DHCR24: variants seen among roughly 807,000 people sequenced by gnomAD.
The protein encoded by DHCR24 is 24-dehydrocholesterol reductase, also known as delta(24)-sterol reductase.
A neutral mutation model predicts 61.2 loss-of-function variants in DHCR24; 28 were observed. The ratio of observed to expected loss-of-function variants is 0.46; its 90% CI spans 0.34 to 0.63. DHCR24 has a LOEUF of 0.63. DHCR24 is among the 20% of genes least tolerant of loss of function. The pLI is 0.01. For synonymous variants in DHCR24, 261 were observed against 275.9 expected (o/e 0.95, Z 0.54); for missense variants, 538 against 679.1 (o/e 0.79, Z 2.31).
At chr1:54,873,274 C>A (rs1348330590) in intron 4 of DHCR24, among the ~76,000 whole-genome samples, 1 of 152,140 alleles carries the variant, frequency 6.6e-6, no homozygotes, top group Non-Finnish European at 1.5e-5. Flanking sequence ...ATGTCATACT[C>A]ATGTGTTTAT....
intron 5 of DHCR24, among the ~76,000 whole-genome samples, chr1:54,870,289 T>C (rs1382852134): frequency 1.3e-5 from 2 of 152,154 alleles, no homozygotes; most frequent in Non-Finnish European, 1.5e-5. Context: ...AAAACTGTTA[T>C]ACGTAAGTGG....
chr1:54,883,032 A>T lies in DHCR24; in HGVS notation c.387+586T>A, dbSNP rs979750328. The stretch of plus-strand genomic sequence containing the variant: ...GTAACTTGGCCAAGGTCTCACAATA[A>T]TAACAAAATGCCATCAAGTAGACAT... On this transcript the variant is annotated intron_variant, in intron 2 of 8. Coordinates refer to ENST00000371269, the MANE Select transcript of DHCR24 (RefSeq NM_014762.4). This position sits in a 1 kb window ranked among gnomAD's most constrained non-coding sequence, Gnocchi z 4.3. Among the ~76,000 whole-genome samples the T allele has an allele frequency of 3.9e-5, 6 of 152,280 alleles. No homozygotes were observed. In the East Asian group the frequency reaches 1.2e-3, roughly 29 times the overall value.
rs758291625 is a variant in DHCR24 at position 54,887,095 on chromosome 1, C to T, written c.25G>A (p.Val9Met). ...CACAGCAGGAAGAGCAGCGCGCACA[C>T]GGCCAGCGACACGGCGGGCTCCATG... is the stretch of plus-strand genomic sequence containing the variant. MEPAVSLA[V>M]CALLFLLWVR... Residue 9 changes from valine (V) to methionine (M), a missense_variant, in exon 1 of 9, where the codon GTG becomes ATG. Coordinates refer to ENST00000371269, the MANE Select transcript of DHCR24 (RefSeq NM_014762.4). 17 of 1,598,082 alleles carry T rather than the reference C, an allele frequency of 1.1e-5. No individual in the cohort carries two copies. The South Asian group carries it at 1.8e-4, about 17-fold the overall frequency.
intron 6 of DHCR24, among the ~76,000 whole-genome samples, chr1:54,857,055 T>G (rs970032547): frequency 4.6e-5 from 7 of 152,276 alleles, no homozygotes; most frequent in African/African-American, 1.7e-4. Context: ...AATAGTCAAC[T>G]GGTATCCAAA....
At chr1:54,869,756 TA>T (rs1646987629) in intron 5 of DHCR24, among the ~76,000 whole-genome samples, 1 of 151,722 alleles carries the variant, frequency 6.6e-6, no homozygotes, top group Non-Finnish European at 1.5e-5. Flanking sequence ...TTTTAAAAAT[TA>T]AAAAATTAAC....
rs2101555079 is a variant in DHCR24 at position 54,853,613 on chromosome 1, C to G, written c.1219-1G>C. 1 of 1,613,202 alleles carries G rather than the reference C, an allele frequency of 6.2e-7. No individual in the cohort carries two copies. Among genetic ancestry groups the G allele is most frequent in the Non-Finnish European group, 8.5e-7 (1 of 1,179,696 alleles). ...ACGGACACAGCCAGATGGGGTAGAC[C>G]TGGGTAGACCAGGGAGGTGGGTATT... On this transcript the variant is annotated splice_acceptor_variant, in intron 7 of 8. Coordinates refer to ENST00000371269, the MANE Select transcript of DHCR24 (RefSeq NM_014762.4). LOFTEE classifies it high-confidence loss of function.
chr1:54,865,575 C>T, intron 5 of DHCR24, 129 bp from the exon 6 acceptor site: 4 of 1,237,516 alleles, frequency 3.2e-6, no homozygotes, highest in Non-Finnish European at 3.5e-6. Context: ...CTATTACTGC[C>T]TTTGAGACTC....
rs376322059 is a variant in DHCR24, at chr1:54,879,503, A to C, written c.388-3456T>G. 3.3e-4 allele frequency among the ~76,000 whole-genome samples: 50 copies of C among 152,200 alleles called. 1 individual carries two copies. In the South Asian group the frequency reaches 9.9e-3, roughly 30 times the overall value. On this transcript the variant is annotated intron_variant, in intron 2 of 8. Transcript: ENST00000371269. ...ACCAACCAAAATGAAAGAGAGGAAA[A>C]AAATTTCTTTTAAATGAACAGTGCC... is the stretch of plus-strand genomic sequence containing the variant.
intron 6 of DHCR24, 133 bp downstream of exon 6, chr1:54,865,167 TAAG>T: frequency 9.3e-7 from 1 of 1,071,478 alleles, no homozygotes; most frequent in South Asian, 1.4e-5. Flanking sequence ...TGTTGCTGCT[TAAG>T]AAGGCATTGC....
chr1:54,862,569 A>C (rs1475493187), intron 6 of DHCR24, among the ~76,000 whole-genome samples: 1 of 152,014 alleles, frequency 6.6e-6, no homozygotes, highest in Non-Finnish European at 1.5e-5. Context: ...CTAACCTGCA[A>C]GGTGTCCCAG....
chr1:54,849,818 C>T lies in DHCR24; in HGVS notation c.*2415G>A, dbSNP rs1646864693. On this transcript the variant is annotated 3_prime_UTR_variant, in exon 9 of 9. Transcript: ENST00000371269. ...CACCATACACTGCCACACCCATCTC[C>T]ACCCCTCCCTTTCAGTAATATCCAA... is the stretch of plus-strand genomic sequence containing the variant. 6.5e-6 allele frequency: 1 copy of T among 152,694 alleles called. No individual in the cohort carries two copies. The highest frequency in any genetic ancestry group is 1.5e-5 in the Non-Finnish European group (1 of 68,064). The allele number at this position is 152,694 out of a possible 1,614,324, so 9.5% of individuals were successfully genotyped here. A position where few individuals can be genotyped will look rare whatever the true frequency, so the allele number is the denominator to read the frequency against.
chr1:54,874,510 T>G lies in DHCR24; in HGVS notation c.612+583A>C, dbSNP rs113493911. Among the ~76,000 whole-genome samples, 1,257 of 152,344 alleles carry G rather than the reference T, an allele frequency of 8.3e-3. 52 individuals are homozygous for G. The East Asian group carries it at 0.12, about 15-fold the overall frequency. On this transcript the variant is annotated intron_variant, in intron 4 of 8. Transcript: ENST00000371269. Reference sequence around the variant, plus strand: ...GTAGGCTATCCAAATAGCCTACGTGTGAAGTAGGCTATCTCATCTAGGTTT... The same window carrying G: ...GTAGGCTATCCAAATAGCCTACGTGGGAAGTAGGCTATCTCATCTAGGTTT...
chr1:54,867,889 C>T (rs1646975900), intron 5 of DHCR24, among the ~76,000 whole-genome samples: 1 of 152,170 alleles, frequency 6.6e-6, no homozygotes, highest in African/African-American at 2.4e-5. Flanking sequence ...CGCAGTGTCC[C>T]ACAGGGAGCA....
chr1:54,850,354 C>G lies in DHCR24; in HGVS notation c.*1879G>C, dbSNP rs1439892300. On this transcript the variant is annotated 3_prime_UTR_variant, in exon 9 of 9. Transcript: ENST00000371269. Reference sequence around the variant, plus strand: ...ACTGAGCAAGGAAGCACATGGGTCTCCTATGAGAGCTAATGCCAGAATTCA... The same window carrying G: ...ACTGAGCAAGGAAGCACATGGGTCTGCTATGAGAGCTAATGCCAGAATTCA... 2 of 152,228 alleles carry G rather than the reference C, an allele frequency of 1.3e-5. No individual in the cohort carries two copies. The highest frequency in any genetic ancestry group is 4.8e-5 in the African/African-American group (2 of 41,440). 9.4% of individuals were successfully genotyped at this position (152,228 alleles called of 1,614,324 possible).
chr1:54,866,834 T>A (rs1646970787), intron 5 of DHCR24, among the ~76,000 whole-genome samples: 1 of 152,172 alleles, frequency 6.6e-6, no homozygotes, highest in African/African-American at 2.4e-5. Flanking sequence ...TTTGCCCAAA[T>A]TAGTTTTGGT....
chr1:54,878,159 C>T (rs1647044409), intron 2 of DHCR24, among the ~76,000 whole-genome samples: 2 of 150,608 alleles, frequency 1.3e-5, no homozygotes, highest in Non-Finnish European at 3.0e-5. Flanking sequence ...TCGGTAAATA[C>T]ACATGAGGCT....
intron 2 of DHCR24, among the ~76,000 whole-genome samples, chr1:54,879,008 A>G (rs1647050143): frequency 6.6e-6 from 1 of 152,192 alleles, no homozygotes; most frequent in South Asian, 2.1e-4. Context: ...AAATTTAACT[A>G]GAGACATTAA....
At chr1:54,853,864 C>T (rs1444355521) in intron 7 of DHCR24, among the ~76,000 whole-genome samples, 173 bp downstream of exon 7, 1 of 152,064 alleles carries the variant, frequency 6.6e-6, no homozygotes. Context: ...CCCAGGGGGG[C>T]CATCACTGAG....
In DHCR24 at chr1:54,887,111, G is replaced by A. The variant is rs1341994762; in HGVS notation, c.9C>T (p.Pro3=). 1 of 1,583,452 alleles carries A rather than the reference G, an allele frequency of 6.3e-7. No individual in the cohort carries two copies. The highest frequency in any genetic ancestry group is 8.6e-7 in the Non-Finnish European group (1 of 1,165,628). Residue 3 remains proline (P), a synonymous_variant, in exon 1 of 9, where the codon CCC becomes CCT. Transcript: ENST00000371269. ...GCGCGCACACGGCCAGCGACACGGC[G>A]GGCTCCATGGTGCGGCGCCGCGCGG... ME[P]AVSLAVCALL... is the part of the protein sequence containing the mutation.
Sources: gnomAD v4.1 joint callset for allele counts (sites outside exome capture counted in the v4.1 genomes callset) on GRCh38, gnomAD v4.1.1 for gene constraint, Gnocchi (gnomAD v3.1) non-coding constraint, MANE v1.5 for transcripts, NCBI Gene and HGNC (gene_info 2026-07-23, HGNC 2026-07-21) for gene names.